The following LRP1B variants were observed in gnomAD, a reference collection of about 807,000 sequenced individuals.
LRP1B encodes the protein low-density lipoprotein receptor-related protein 1B.
Under a neutral mutation model 556.6 loss-of-function variants are expected in LRP1B, and 217 were observed. The observed-to-expected ratio is 0.39, with a 90% confidence interval of 0.35 to 0.44. LRP1B has a LOEUF of 0.44. Among genes scored for constraint, LRP1B ranks in the 20% least tolerant of loss-of-function variants. The probability of loss-of-function intolerance (pLI) is 1.00; values close to 1 mark genes in which losing one functional copy is unlikely to be tolerated. For missense variants in LRP1B, 5,053 were observed against 5,620.8 expected (o/e 0.90, Z 3.23); for synonymous variants, 2,047 against 1,865.8 (o/e 1.10, Z -2.50).
chr2:140,300,528 C>CT (rs1683777461), intron 83 of LRP1B, among the ~76,000 whole-genome samples: 1 of 152,120 alleles, frequency 6.6e-6, no homozygotes, highest in Admixed American at 6.6e-5. Flanking sequence ...AGTTGACAGC[C>CT]TACAAGGGTA....
intron 6 of LRP1B, among the ~76,000 whole-genome samples, chr2:141,209,070 A>G (rs1053355730): frequency 6.6e-6 from 1 of 152,042 alleles, no homozygotes; most frequent in Non-Finnish European, 1.5e-5. Flanking sequence ...CTACACAGAA[A>G]CACAGTCACA....
At chr2:141,309,672 A>G (rs887629813) in intron 3 of LRP1B, among the ~76,000 whole-genome samples, 1 of 152,108 alleles carries the variant, frequency 6.6e-6, no homozygotes, top group East Asian at 1.9e-4. Context: ...TTGAGAACAC[A>G]TGGACACAGA....
At chr2:141,878,152 C>A (rs1393198606) in intron 1 of LRP1B, among the ~76,000 whole-genome samples, 1 of 150,612 alleles carries the variant, frequency 6.6e-6, no homozygotes, top group Admixed American at 6.6e-5. Context: ...TTTTTTTTTC[C>A]TTTTCCTCAC....
intron 60 of LRP1B, among the ~76,000 whole-genome samples, chr2:140,473,598 C>T (rs1344406551): frequency 6.6e-6 from 1 of 151,718 alleles, no homozygotes; most frequent in East Asian, 1.9e-4. Flanking sequence ...TCTAATAGAT[C>T]TAATATTTTT....
intron 33 of LRP1B, among the ~76,000 whole-genome samples, chr2:140,775,138 A>T (rs529903699): frequency 6.6e-6 from 1 of 152,134 alleles, no homozygotes; most frequent in East Asian, 1.9e-4. Flanking sequence ...AACCAGCGTG[A>T]CCCAATCCCT....
intron 2 of LRP1B, among the ~76,000 whole-genome samples, chr2:141,625,010 C>T (rs527476828): frequency 7.2e-5 from 11 of 152,218 alleles, no homozygotes; most frequent in Admixed American, 3.3e-4. Context: ...CCTCGTGATC[C>T]GCCCGCCTCA....
At chr2:140,567,105 C>T (rs1375736794) in intron 43 of LRP1B, among the ~76,000 whole-genome samples, 2 of 152,092 alleles carry the variant, frequency 1.3e-5, no homozygotes, top group East Asian at 1.9e-4. Context: ...ACACCCTGCC[C>T]CATAAGACAA....
At chr2:140,950,014 A>G (rs1417181398) in intron 20 of LRP1B, among the ~76,000 whole-genome samples, 1 of 151,636 alleles carries the variant, frequency 6.6e-6, no homozygotes, top group Non-Finnish European at 1.5e-5. Flanking sequence ...AACAAAGACC[A>G]CAGAAGGCAT....
At chr2:142,093,457 C>T (rs1463190826) in intron 1 of LRP1B, among the ~76,000 whole-genome samples, 1 of 152,062 alleles carries the variant, frequency 6.6e-6, no homozygotes, top group Non-Finnish European at 1.5e-5. Flanking sequence ...AAGATCACCA[C>T]GTTCTCTTGA....
intron 41 of LRP1B, among the ~76,000 whole-genome samples, chr2:140,689,518 G>T (rs1423089684): frequency 1.3e-5 from 2 of 152,326 alleles, no homozygotes; most frequent in East Asian, 3.9e-4. Flanking sequence ...TAACTTGGGT[G>T]AAGTTTTTCT....
chr2:140,522,991 A>G (rs1690249483), intron 49 of LRP1B, among the ~76,000 whole-genome samples: 1 of 152,002 alleles, frequency 6.6e-6, no homozygotes, highest in Non-Finnish European at 1.5e-5. Flanking sequence ...TGCTGCTGAA[A>G]CTGTTCCAAA....
At chr2:140,909,539 C>G (rs1053164833) in intron 21 of LRP1B, among the ~76,000 whole-genome samples, 1 of 151,218 alleles carries the variant, frequency 6.6e-6, no homozygotes, top group African/African-American at 2.4e-5. Context: ...AATTGACATA[C>G]TTCATTAGAT....
intron 62 of LRP1B, among the ~76,000 whole-genome samples, chr2:140,455,934 A>T (rs1202128510): frequency 1.3e-5 from 2 of 152,222 alleles, no homozygotes; most frequent in African/African-American, 4.8e-5. Flanking sequence ...TGCAACTACC[A>T]TACAGTAGAC....
intron 16 of LRP1B, among the ~76,000 whole-genome samples, chr2:140,990,218 C>A (rs985494704): frequency 5.3e-5 from 8 of 151,970 alleles, no homozygotes; most frequent in Non-Finnish European, 1.2e-4. Context: ...ATAAATAAAA[C>A]CAACTGTATC....
chr2:140,287,963 A>G (rs1683220314), intron 84 of LRP1B, among the ~76,000 whole-genome samples: 1 of 151,850 alleles, frequency 6.6e-6, no homozygotes, highest in Admixed American at 6.6e-5. Context: ...AATCAGATTT[A>G]TGATGTATTT....
intron 41 of LRP1B, among the ~76,000 whole-genome samples, chr2:140,668,883 G>C (rs909166577): frequency 6.6e-6 from 1 of 152,188 alleles, no homozygotes; most frequent in Non-Finnish European, 1.5e-5. Context: ...AAGAGAAAAT[G>C]TAAAATACGG....
chr2:142,025,878 C>T (rs945133437), intron 1 of LRP1B, among the ~76,000 whole-genome samples: 9 of 152,056 alleles, frequency 5.9e-5, no homozygotes, highest in Non-Finnish European at 8.8e-5. Context: ...GAGCAGGTTT[C>T]GAATTACAAT....
intron 32 of LRP1B, among the ~76,000 whole-genome samples, chr2:140,799,717 A>G (rs1466857813): frequency 6.6e-6 from 1 of 152,236 alleles, no homozygotes; most frequent in South Asian, 2.1e-4. Context: ...AGATTCCTAG[A>G]AGAAATGCAG....
chr2:140,851,938 A>G (rs113600691), intron 27 of LRP1B, among the ~76,000 whole-genome samples, 155 bp from the exon 28 acceptor site: 2,873 of 152,338 alleles, frequency 0.019, 31 homozygotes, highest in African/African-American at 0.034. Flanking sequence ...ATAGACAATC[A>G]TACACAGCAA....
Sources: gnomAD v4.1 joint callset for allele counts (sites outside exome capture counted in the v4.1 genomes callset) on GRCh38, gnomAD v4.1.1 for gene constraint, MANE v1.5 for transcripts, NCBI Gene and HGNC (gene_info 2026-07-23, HGNC 2026-07-21) for gene names.